PPP1R9A: variants seen among roughly 807,000 people sequenced by gnomAD.
The protein encoded by PPP1R9A is protein phosphatase 1 regulatory subunit 9A.
PPP1R9A carries 59 observed loss-of-function variants against 141.9 expected under a neutral mutation model. The observed-to-expected ratio is 0.42, with a 90% confidence interval of 0.34 to 0.52. The LOEUF is 0.52. PPP1R9A is among the 20% of genes least tolerant of loss of function. The pLI is 0.10. For synonymous variants in PPP1R9A, 500 were observed against 569.7 expected, an observed-to-expected ratio of 0.88 and a Z score of 1.74; for missense variants, 1,444 against 1,611.9, an observed-to-expected ratio of 0.90 and a Z score of 1.78.
intron 16 of PPP1R9A, among the ~76,000 whole-genome samples, chr7:95,282,190 G>A (rs866712048): frequency 2.2e-4 from 28 of 124,982 alleles, no homozygotes; most frequent in South Asian, 2.3e-4. Flanking sequence ...AGTTAGCCAG[G>A]CACGGTGGCA....
intron 2 of PPP1R9A, among the ~76,000 whole-genome samples, chr7:95,022,818 A>G (rs1014164814): frequency 6.6e-6 from 1 of 152,182 alleles, no homozygotes; most frequent in Non-Finnish European, 1.5e-5. Flanking sequence ...CTTGCATCTC[A>G]GGGATGAAGC....
intron 7 of PPP1R9A, among the ~76,000 whole-genome samples, chr7:95,205,295 C>T (rs1397132325): frequency 6.6e-6 from 1 of 152,098 alleles, no homozygotes; most frequent in African/African-American, 2.4e-5. Flanking sequence ...ATTATTTACT[C>T]ATGAGCTAGA....
intron 2 of PPP1R9A, among the ~76,000 whole-genome samples, chr7:95,027,987 C>A (rs1807128989): frequency 6.6e-6 from 1 of 152,006 alleles, no homozygotes; most frequent in African/African-American, 2.4e-5. Context: ...TGTGTATTTA[C>A]TTTTAGGTCC....
intron 4 of PPP1R9A, among the ~76,000 whole-genome samples, chr7:95,127,518 T>C (rs2152510558): frequency 6.6e-6 from 1 of 151,840 alleles, no homozygotes; most frequent in East Asian, 1.9e-4. Flanking sequence ...TTTTTTTTTT[T>C]TAAACTTTTA....
At chr7:94,908,739 G>A (rs970047564) in intron 1 of PPP1R9A, 40 of 152,140 alleles carry the variant, frequency 2.6e-4, no homozygotes, top group African/African-American at 9.2e-4. Flanking sequence ...GGGTGTTTGT[G>A]GCTTTAAAAA....
intron 2 of PPP1R9A, among the ~76,000 whole-genome samples, chr7:94,973,258 C>T (rs1799060607): frequency 6.6e-6 from 1 of 152,026 alleles, no homozygotes; most frequent in Non-Finnish European, 1.5e-5. Context: ...TTATTTTCTA[C>T]CTTAGGTTAT....
At chr7:95,173,852 TAA>T (rs963103911) in intron 5 of PPP1R9A, among the ~76,000 whole-genome samples, 5 of 152,076 alleles carry the variant, frequency 3.3e-5, no homozygotes, top group African/African-American at 9.6e-5. Flanking sequence ...AGGCTGAAAT[TAA>T]AAAGACTGAT....
intron 2 of PPP1R9A, among the ~76,000 whole-genome samples, chr7:95,053,306 T>C (rs1225398240): frequency 6.6e-6 from 1 of 152,140 alleles, no homozygotes; most frequent in Non-Finnish European, 1.5e-5. Context: ...AAGGTGTTGG[T>C]ATGTGCTTGT....
At chr7:94,994,774 G>A (rs1284837390) in intron 2 of PPP1R9A, among the ~76,000 whole-genome samples, 2 of 151,634 alleles carry the variant, frequency 1.3e-5, no homozygotes, top group African/African-American at 4.8e-5. Context: ...TGCACCTGTA[G>A]TCCCAGCTAC....
At chr7:95,289,851 T>C (rs1806077586) in intron 19 of PPP1R9A, among the ~76,000 whole-genome samples, 1 of 152,192 alleles carries the variant, frequency 6.6e-6, no homozygotes, top group Non-Finnish European at 1.5e-5. Flanking sequence ...TAATTACTCA[T>C]TTGGAAAGCA....
In PPP1R9A at chr7:95,111,061, G is replaced by A. The variant is rs183088169; in HGVS notation, c.1396-198G>A. On this transcript the variant is annotated intron_variant, in intron 2 of 19. Coordinates refer to ENST00000433360, the MANE Select transcript of PPP1R9A (RefSeq NM_001166160.2). ...TTAAATGATTAAAAGTGGTACTATC[G>A]CTTACACATTTTAAAAATTAGTAAG... 3.6e-3 allele frequency among the ~76,000 whole-genome samples: 542 copies of A among 152,236 alleles called. 2 individuals carry two copies. Among genetic ancestry groups the A allele is most frequent in the African/African-American group, 0.013 (525 of 41,526 alleles).
chr7:95,160,720 T>C (rs1406710988), intron 4 of PPP1R9A, among the ~76,000 whole-genome samples: 1 of 152,148 alleles, frequency 6.6e-6, no homozygotes. Context: ...TGTTGCCGCC[T>C]TTATGTCCAT....
chr7:95,274,092 T>G lies in PPP1R9A; in HGVS notation c.3220T>G (p.Leu1074Val). ...KRKFVDLGAP[L>V]RRNSSKGKKW... is the part of the protein sequence containing the mutation. ...TGCTTACTATCATTACAGGGCGCCT[T>G]TGCGAAGGAATTCCAGCAAGGGAAA... is the stretch of plus-strand genomic sequence containing the variant. The change falls in exon 16 of 20, where the codon TTG becomes GTG. Residue 1074 changes from leucine (L) to valine (V), a missense_variant. By Grantham distance (32) the Leu-to-Val change is conservative. Coordinates refer to ENST00000433360, the MANE Select transcript of PPP1R9A (RefSeq NM_001166160.2). 1 of 1,579,260 alleles carries G rather than the reference T, an allele frequency of 6.3e-7. No homozygotes were observed. The highest frequency in any genetic ancestry group is 8.6e-7 in the Non-Finnish European group (1 of 1,167,114).
intron 2 of PPP1R9A, among the ~76,000 whole-genome samples, chr7:95,004,072 ATAGAT>A (rs1803291124): frequency 1.3e-5 from 2 of 152,054 alleles, no homozygotes; most frequent in East Asian, 1.9e-4. Flanking sequence ...GAAGGGAATG[ATAGAT>A]TGTTTTAACT....
At chr7:95,020,763 A>G (rs965098941) in intron 2 of PPP1R9A, among the ~76,000 whole-genome samples, 1 of 152,186 alleles carries the variant, frequency 6.6e-6, no homozygotes, top group Admixed American at 6.5e-5. Flanking sequence ...AGCTTCATCC[A>G]TGTCCCTACA....
chr7:94,979,532 A>G (rs2151307030), intron 2 of PPP1R9A, among the ~76,000 whole-genome samples: 1 of 152,370 alleles, frequency 6.6e-6, no homozygotes, highest in South Asian at 2.1e-4. Context: ...GGTTATTTCT[A>G]GATAGTGTGG....
chr7:95,271,826 G>A (rs933638446), intron 14 of PPP1R9A, among the ~76,000 whole-genome samples: 6 of 152,164 alleles, frequency 3.9e-5, no homozygotes, highest in Non-Finnish European at 5.9e-5. Flanking sequence ...GAAGTCTTAC[G>A]TAGAGCTAAA....
At chr7:94,941,887 A>C (rs1398821056) in intron 2 of PPP1R9A, among the ~76,000 whole-genome samples, 2 of 152,246 alleles carry the variant, frequency 1.3e-5, no homozygotes, top group East Asian at 3.9e-4. Context: ...TGGAAAGAGC[A>C]ATTGGCTATG....
chr7:95,067,731 G>T (rs1002969983), intron 2 of PPP1R9A, among the ~76,000 whole-genome samples: 4 of 152,026 alleles, frequency 2.6e-5, no homozygotes, highest in Non-Finnish European at 4.4e-5. Context: ...AAGTGCTGAG[G>T]TTTGAGAGAA....
Sources: gnomAD v4.1 joint callset for allele counts (sites outside exome capture counted in the v4.1 genomes callset) on GRCh38, gnomAD v4.1.1 for gene constraint, MANE v1.5 for transcripts, NCBI Gene and HGNC (gene_info 2026-07-23, HGNC 2026-07-21) for gene names.